The following SNX29 variants were observed in gnomAD, a reference collection of about 807,000 sequenced individuals.
SNX29 encodes sorting nexin-29.
Under a neutral mutation model 102.1 loss-of-function variants are expected in SNX29, and 78 were observed. That is an observed-to-expected ratio of 0.76 (90% CI 0.64 to 0.92). The LOEUF is 0.92. SNX29 is among the 40% of genes least tolerant of loss of function. SNX29 has a pLI of 0.00. For missense variants in SNX29, 1,280 were observed against 1,061.7 expected, an observed-to-expected ratio of 1.21 and a Z score of -2.86; for synonymous variants, 580 against 414.5, an observed-to-expected ratio of 1.40 and a Z score of -4.85.
chr16:12,475,996 A>G (rs2151811645), intron 18 of SNX29, among the ~76,000 whole-genome samples: 1 of 152,234 alleles, frequency 6.6e-6, no homozygotes, highest in East Asian at 1.9e-4. Flanking sequence ...TTATAAGAAT[A>G]TATCATAAGC....
chr16:12,236,813 C>T lies in SNX29; in HGVS notation c.1678+37130C>T, dbSNP rs373491214. On this transcript the variant is annotated intron_variant, in intron 14 of 20. Transcript: ENST00000566228. ...TTCGGTGATCAAGCATTTGGTCATC[C>T]GTCCTCCCCTAGTGGATTCTGAGTT... Among the ~76,000 whole-genome samples the T allele has an allele frequency of 1.1e-4, 17 of 152,324 alleles. No homozygotes were observed. In the East Asian group the frequency reaches 2.9e-3, roughly 26 times the overall value.
At chr16:12,255,189 C>T (rs2078533593) in intron 14 of SNX29, among the ~76,000 whole-genome samples, 1 of 152,014 alleles carries the variant, frequency 6.6e-6, no homozygotes, top group South Asian at 2.1e-4. Context: ...TTCAAGGAAA[C>T]AATCCTGTAT....
At chr16:12,328,633 A>G (rs547469869) in intron 15 of SNX29, among the ~76,000 whole-genome samples, 31 of 152,274 alleles carry the variant, frequency 2.0e-4, no homozygotes, top group African/African-American at 7.5e-4. Flanking sequence ...GTCTTACCAC[A>G]TTCAAACCTT....
At chr16:12,234,086 G>A (rs1156430266) in intron 14 of SNX29, among the ~76,000 whole-genome samples, 3 of 152,176 alleles carry the variant, frequency 2.0e-5, no homozygotes, top group African/African-American at 7.2e-5. Flanking sequence ...GTGTGGACGT[G>A]TTTTTCATTT....
At chr16:12,566,184 T>TG (rs2078997840) in intron 20 of SNX29, among the ~76,000 whole-genome samples, 1 of 152,180 alleles carries the variant, frequency 6.6e-6, no homozygotes, top group Non-Finnish European at 1.5e-5. Flanking sequence ...AGGTAGCCCT[T>TG]GAATCCTTAC....
At chr16:12,554,112 G>A (rs1426259545) in intron 20 of SNX29, among the ~76,000 whole-genome samples, 1 of 152,210 alleles carries the variant, frequency 6.6e-6, no homozygotes, top group Non-Finnish European at 1.5e-5. Flanking sequence ...ACAGGTCTAA[G>A]CCACCATGCC....
chr16:12,132,133 G>A (rs1417363596), intron 13 of SNX29, among the ~76,000 whole-genome samples: 1 of 147,176 alleles, frequency 6.8e-6, no homozygotes, highest in Non-Finnish European at 1.5e-5. Context: ...TTCTTGCCCT[G>A]TCGTGCCCAG....
intron 20 of SNX29, among the ~76,000 whole-genome samples, chr16:12,562,998 T>C (rs1167685271): frequency 2.0e-5 from 3 of 146,816 alleles, no homozygotes; most frequent in Non-Finnish European, 4.5e-5. Context: ...GAAAAACTGC[T>C]TCAATGCGCC....
intron 11 of SNX29, among the ~76,000 whole-genome samples, chr16:12,107,636 AAAAAAC>A (rs757131440): frequency 4.2e-4 from 64 of 152,246 alleles, no homozygotes; most frequent in African/African-American, 6.0e-4. Flanking sequence ...ACTCTGCCTC[AAAAAAC>A]AAAAACAAAA....
At chr16:12,455,661 T>C (rs1171726864) in intron 18 of SNX29, among the ~76,000 whole-genome samples, 1 of 152,208 alleles carries the variant, frequency 6.6e-6, no homozygotes, top group Admixed American at 6.5e-5. Context: ...TGCAAAGTCT[T>C]TATTTGTGCA....
intron 20 of SNX29, among the ~76,000 whole-genome samples, chr16:12,538,389 C>T (rs562767359): frequency 6.6e-6 from 1 of 152,268 alleles, no homozygotes; most frequent in East Asian, 1.9e-4. Flanking sequence ...CGCGCCCGGC[C>T]TCCCCTTGCA....
chr16:12,393,987 G>A (rs538514049), intron 16 of SNX29, among the ~76,000 whole-genome samples: 55 of 152,344 alleles, frequency 3.6e-4, no homozygotes, highest in African/African-American at 1.2e-3. Flanking sequence ...GTGCATTTCT[G>A]TCTGTTCCTG....
rs186530219 is a variant in SNX29, at chr16:12,360,071, G to A, written c.1899+3792G>A. ...ACTCCTGATCTCGAGTGATCTGCCCGCCTCGGCCTCCCAGAGTGCTGGGAT... is the reference window on the plus strand; with the variant it reads ...ACTCCTGATCTCGAGTGATCTGCCCACCTCGGCCTCCCAGAGTGCTGGGAT... On this transcript the variant is annotated intron_variant, in intron 16 of 20. Coordinates refer to ENST00000566228, the MANE Select transcript of SNX29 (RefSeq NM_032167.5). Among the ~76,000 whole-genome samples the A allele has an allele frequency of 9.7e-4, 147 of 152,242 alleles. 1 individual carries two copies. Among genetic ancestry groups the A allele is most frequent in the African/African-American group, 3.4e-3 (140 of 41,552 alleles).
chr16:12,372,987 A>C (rs2082736778), intron 16 of SNX29: 2 of 152,196 alleles, frequency 1.3e-5, no homozygotes, highest in East Asian at 3.9e-4. Flanking sequence ...GTAGGTTCTC[A>C]TGTCTCCATT....
At chr16:12,568,399 G>C (rs570548176) in intron 20 of SNX29, 107 bp from the exon 21 acceptor site, 147 of 1,456,568 alleles carry the variant, frequency 1.0e-4, no homozygotes, top group South Asian at 2.6e-4. Context: ...GCCAGTCACA[G>C]TTGCCAATCA....
chr16:12,563,606 A>T (rs1019815032), intron 20 of SNX29, among the ~76,000 whole-genome samples: 3 of 139,218 alleles, frequency 2.2e-5, no homozygotes, highest in Non-Finnish European at 4.6e-5. Context: ...CTGTATCACC[A>T]CATCTCACAG....
intron 15 of SNX29, among the ~76,000 whole-genome samples, chr16:12,328,186 T>C (rs370960970): frequency 2.0e-5 from 3 of 152,320 alleles, no homozygotes; most frequent in African/African-American, 7.2e-5. Context: ...AGAGTAGACC[T>C]CAATAAACTC....
At chr16:12,056,794 G>A (rs2050538841) in intron 8 of SNX29, among the ~76,000 whole-genome samples, 1 of 151,992 alleles carries the variant, frequency 6.6e-6, no homozygotes, top group Non-Finnish European at 1.5e-5. Flanking sequence ...GTCAGGTTTT[G>A]TTCTTTTGTT....
Position 12,100,502 on chromosome 16 carries a change from G to A in SNX29, c.1402+21587G>A, listed in dbSNP as rs137914826. ...TGTCCTCTACGGTAAAGTAAAGATG[G>A]ACAAGAGGAAGGACGGTGCATGCTG... On this transcript the variant is annotated intron_variant, in intron 11 of 20. Coordinates refer to ENST00000566228, the MANE Select transcript of SNX29 (RefSeq NM_032167.5). Among the ~76,000 whole-genome samples the A allele has an allele frequency of 4.4e-3, 674 of 152,274 alleles. 6 individuals are homozygous for A. The highest frequency in any genetic ancestry group is 0.014 in the Middle Eastern group (4 of 294).
Sources: allele counts gnomAD v4.1 joint callset (sites outside exome capture counted in the v4.1 genomes callset), GRCh38; gene constraint gnomAD v4.1.1; transcripts MANE v1.5; gene names NCBI Gene and HGNC (gene_info 2026-07-23, HGNC 2026-07-21).